IFNGR2: variants seen among roughly 807,000 people sequenced by gnomAD.
The protein encoded by IFNGR2 is IFN-gamma receptor 2.
IFNGR2 carries 15 observed loss-of-function variants against 41.1 expected under a neutral mutation model. The ratio of observed to expected loss-of-function variants is 0.37; its 90% CI spans 0.24 to 0.56. The LOEUF is 0.56. Among genes scored for constraint, IFNGR2 ranks in the 20% least tolerant of loss-of-function variants. The probability of loss-of-function intolerance (pLI) is 0.81; values close to 1 mark genes in which losing one functional copy is unlikely to be tolerated. For synonymous variants in IFNGR2, 161 were observed against 171.6 expected, an observed-to-expected ratio of 0.94 and a Z score of 0.48; for missense variants, 362 against 415.7, an observed-to-expected ratio of 0.87 and a Z score of 1.12.
chr21:33,411,651 C>G, intron 1 of IFNGR2: 2 of 373,632 alleles, frequency 5.4e-6, no homozygotes, highest in Non-Finnish European at 1.1e-5. Flanking sequence ...CACAGGGTCC[C>G]CAAAAGATGG....
chr21:33,416,853 G>A (rs1427314436), intron 2 of IFNGR2, among the ~76,000 whole-genome samples: 14 of 149,100 alleles, frequency 9.4e-5, no homozygotes, highest in African/African-American at 3.2e-4. Context: ...GAAAAGTAAT[G>A]TGGAAAAATG....
chr21:33,434,670 TAGC>T (rs1448376937), intron 6 of IFNGR2, among the ~76,000 whole-genome samples: 2 of 152,138 alleles, frequency 1.3e-5, no homozygotes, highest in African/African-American at 2.4e-5. Flanking sequence ...TGCAGAAACA[TAGC>T]AGCACTTTCA....
chr21:33,409,534 T>G (rs1159912729), intron 1 of IFNGR2, among the ~76,000 whole-genome samples: 2 of 151,978 alleles, frequency 1.3e-5, no homozygotes, highest in Admixed American at 6.6e-5. Context: ...TAAAATAGGA[T>G]AGAGTTTATG....
At chr21:33,425,450 G>A (rs895295527) in intron 3 of IFNGR2, among the ~76,000 whole-genome samples, 5 of 152,182 alleles carry the variant, frequency 3.3e-5, no homozygotes, top group South Asian at 2.1e-4. Context: ...GTTTTCAGCC[G>A]TGCAGTGGCC....
intron 1 of IFNGR2, among the ~76,000 whole-genome samples, chr21:33,413,970 T>C (rs2083734847): frequency 6.6e-6 from 1 of 151,422 alleles, no homozygotes; most frequent in Admixed American, 6.6e-5. Flanking sequence ...GTAGCTGGGA[T>C]TACAGGCGCT....
At chr21:33,434,524 AAAAAT>A (rs556771351) in intron 6 of IFNGR2, among the ~76,000 whole-genome samples, 55 of 152,280 alleles carry the variant, frequency 3.6e-4, no homozygotes, top group African/African-American at 1.2e-3. Flanking sequence ...TCCATCTCAA[AAAAAT>A]AAAATAAATA....
chr21:33,418,016 T>A (rs796836833), intron 2 of IFNGR2, among the ~76,000 whole-genome samples: 24 of 152,192 alleles, frequency 1.6e-4, no homozygotes, highest in East Asian at 7.7e-4. Flanking sequence ...TGGTTTTATT[T>A]TTTATTTATT....
intron 4 of IFNGR2, among the ~76,000 whole-genome samples, chr21:33,430,041 A>G (rs2083872314): frequency 6.6e-6 from 1 of 152,210 alleles, no homozygotes; most frequent in African/African-American, 2.4e-5. Context: ...CAGGAGGCTG[A>G]GGCAGGAGAA....
At chr21:33,411,458 T>G in intron 1 of IFNGR2, 1 of 470,900 alleles carries the variant, frequency 2.1e-6, no homozygotes, top group Non-Finnish European at 4.4e-6. Flanking sequence ...TGGGAGATGG[T>G]GAACAGGCGT....
chr21:33,414,362 G>A (rs545742973), intron 1 of IFNGR2, among the ~76,000 whole-genome samples: 42 of 152,142 alleles, frequency 2.8e-4, no homozygotes, highest in Admixed American at 4.6e-4. Context: ...GTGTTTTTGC[G>A]TGTGTAGTGT....
In IFNGR2 at chr21:33,427,025, T is replaced by G; in HGVS notation, c.554T>G (p.Ile185Ser). The G allele has an allele frequency of 6.2e-7, 1 of 1,611,370 alleles. No homozygotes were observed. The highest frequency in any genetic ancestry group is 8.5e-7 in the Non-Finnish European group (1 of 1,178,256). The change falls in exon 4 of 7, where the codon ATC (isoleucine) becomes AGC (serine). Residue 185 changes from isoleucine (I) to serine (S), a missense_variant. By Grantham distance (142) the Ile-to-Ser change is moderately radical. Coordinates refer to ENST00000290219, the MANE Select transcript of IFNGR2 (RefSeq NM_005534.4). ...YYVHYWEKGG[I>S]QQVKGPFRSN... ...GTCCATTACTGGGAAAAAGGAGGAA[T>G]CCAACAGGCAAGAGCATCTTTCTTT...
At chr21:33,417,491 C>T (rs368916610) in intron 2 of IFNGR2, among the ~76,000 whole-genome samples, 139 of 152,270 alleles carry the variant, frequency 9.1e-4, no homozygotes, top group Middle Eastern at 3.4e-3. Context: ...TTGATCTGTT[C>T]CTCCAGTAGT....
chr21:33,403,900 G>C (rs1465816572), intron 1 of IFNGR2, among the ~76,000 whole-genome samples: 2 of 152,150 alleles, frequency 1.3e-5, no homozygotes, highest in African/African-American at 4.8e-5. Context: ...ACAGGAGCTG[G>C]GCAGCAGCAG....
intron 1 of IFNGR2, among the ~76,000 whole-genome samples, chr21:33,409,399 G>A (rs916153835): frequency 2.0e-5 from 3 of 152,134 alleles, no homozygotes; most frequent in African/African-American, 7.2e-5. Context: ...AACCTGGGAG[G>A]TGGAGGTTGC....
chr21:33,419,534 T>G (rs935946356), intron 2 of IFNGR2, among the ~76,000 whole-genome samples: 4 of 152,206 alleles, frequency 2.6e-5, no homozygotes, highest in African/African-American at 9.6e-5. Context: ...CTTTTTTATT[T>G]TAACTTGATG....
chr21:33,419,459 T>TTG (rs35945253), intron 2 of IFNGR2, among the ~76,000 whole-genome samples: 22,388 of 149,940 alleles, frequency 0.15, 1,722 homozygotes, highest in East Asian at 0.26. Flanking sequence ...TGTTTGAAAA[T>TTG]TGTGTGTGTG....
chr21:33,424,320 ATACT>A (rs199562606), intron 3 of IFNGR2, among the ~76,000 whole-genome samples: 2,052 of 151,852 alleles, frequency 0.014, 50 homozygotes, highest in African/African-American at 0.046. Context: ...AAAAGGAATG[ATACT>A]TACCGCCACT....
intron 3 of IFNGR2, among the ~76,000 whole-genome samples, chr21:33,422,597 C>T (rs1009099557): frequency 2.0e-5 from 3 of 152,130 alleles, no homozygotes; most frequent in African/African-American, 7.2e-5. Context: ...AGAGTTCCTG[C>T]TGGGCGCGGT....
chr21:33,405,044 G>A (rs1258755354), intron 1 of IFNGR2, among the ~76,000 whole-genome samples: 2 of 147,250 alleles, frequency 1.4e-5, no homozygotes, highest in South Asian at 2.1e-4. Context: ...ACTTGAACCC[G>A]AGAGCTGAGA....
Sources: gnomAD v4.1 joint callset for allele counts (sites outside exome capture counted in the v4.1 genomes callset) on GRCh38, gnomAD v4.1.1 for gene constraint, MANE v1.5 for transcripts, NCBI Gene and HGNC (gene_info 2026-07-23, HGNC 2026-07-21) for gene names.